The following SCHIP1 variants were observed in gnomAD, a reference collection of about 807,000 sequenced individuals.
The protein encoded by SCHIP1 is schwannomin-interacting protein 1.
A neutral mutation model predicts 29.7 loss-of-function variants in SCHIP1; 8 were observed. That is an observed-to-expected ratio of 0.27 (90% CI 0.16 to 0.49). The LOEUF (loss-of-function observed/expected upper bound fraction) is 0.49, where lower values mean the gene tolerates loss of function less well. Among genes scored for constraint, SCHIP1 ranks in the 20% least tolerant of loss-of-function variants. The pLI, the probability that SCHIP1 is intolerant of heterozygous loss-of-function variation, is 0.99. For missense variants in SCHIP1, 193 were observed against 294.6 expected (o/e 0.66, Z 2.52); for synonymous variants, 76 against 94.9 (o/e 0.80, Z 1.16).
the SCHIP1 span, among the ~76,000 whole-genome samples, chr3:159,668,663 C>T: frequency 6.6e-6 from 1 of 152,086 alleles, no homozygotes; most frequent in African/African-American, 2.4e-5. Flanking sequence ...ATGTTGAGTC[C>T]AGGTTCCCAT....
At chr3:159,437,544 C>G in the SCHIP1 span, among the ~76,000 whole-genome samples, 3 of 152,062 alleles carry the variant, frequency 2.0e-5, no homozygotes, top group Non-Finnish European at 4.4e-5. Context: ...ACTTCTTAGT[C>G]TGGCTCCTGG....
chr3:159,275,088 A>T, the SCHIP1 span: 1 of 971,858 alleles, frequency 1.0e-6, no homozygotes, highest in Non-Finnish European at 1.2e-6. Context: ...ATTTTAGAGG[A>T]TGTAACAATT....
chr3:159,286,005 T>G, the SCHIP1 span, among the ~76,000 whole-genome samples: 8 of 152,218 alleles, frequency 5.3e-5, no homozygotes, highest in Admixed American at 5.2e-4. Context: ...CATTGTTTTG[T>G]GATCTTTTAA....
the SCHIP1 span, among the ~76,000 whole-genome samples, chr3:159,362,165 C>T: frequency 7.2e-5 from 11 of 152,054 alleles, no homozygotes; most frequent in African/African-American, 2.7e-4. Context: ...ACAGTAAATG[C>T]AGGAAAAAAT....
chr3:159,738,977 T>C, the SCHIP1 span, among the ~76,000 whole-genome samples: 2,681 of 152,232 alleles, frequency 0.018, 94 homozygotes, highest in African/African-American at 0.062. Flanking sequence ...AGGAGCCAGA[T>C]TGAGTAGGCT....
the SCHIP1 span, chr3:159,401,184 T>G: frequency 3.1e-6 from 3 of 974,582 alleles, no homozygotes; most frequent in Non-Finnish European, 3.7e-6. Context: ...CCCAATAATA[T>G]TACACAAATA....
chr3:159,676,902 T>C, the SCHIP1 span, among the ~76,000 whole-genome samples: 6 of 152,058 alleles, frequency 3.9e-5, no homozygotes, highest in Admixed American at 3.9e-4. Flanking sequence ...CATTATGGAG[T>C]GAAATATATT....
chr3:159,671,757 AT>A, the SCHIP1 span, among the ~76,000 whole-genome samples: 1 of 152,018 alleles, frequency 6.6e-6, no homozygotes, highest in Non-Finnish European at 1.5e-5. Context: ...AGTTCATGAT[AT>A]TTTTTTCCTG....
chr3:159,353,923 ATTC>A, the SCHIP1 span, among the ~76,000 whole-genome samples: 2 of 152,190 alleles, frequency 1.3e-5, no homozygotes, highest in African/African-American at 4.8e-5. Context: ...GGATTCAATA[ATTC>A]TTTGTTAGCT....
the SCHIP1 span, among the ~76,000 whole-genome samples, chr3:159,745,299 C>T: frequency 3.1e-4 from 47 of 152,300 alleles, no homozygotes; most frequent in African/African-American, 1.1e-3. Flanking sequence ...CAGTTGCCTC[C>T]ATTTCTCAAG....
chr3:159,504,312 C>A, the SCHIP1 span, among the ~76,000 whole-genome samples: 1 of 152,182 alleles, frequency 6.6e-6, no homozygotes, highest in East Asian at 1.9e-4. Context: ...CAAAATTCTT[C>A]TCCCAGAATA....
At chr3:159,892,303 C>T (rs1717615663) in intron 6 of SCHIP1, 113 bp downstream of exon 7, 1 of 1,234,010 alleles carries the variant, frequency 8.1e-7, no homozygotes, top group African/African-American at 1.5e-5. Flanking sequence ...ATAAATAACT[C>T]ACCTAGCCTT....
chr3:159,494,523 C>G, the SCHIP1 span, among the ~76,000 whole-genome samples: 17 of 152,238 alleles, frequency 1.1e-4, no homozygotes, highest in African/African-American at 2.4e-4. Context: ...ATAAATTCCT[C>G]GACACATACA....
At chr3:159,785,682 CA>C in the SCHIP1 span, among the ~76,000 whole-genome samples, 1 of 149,268 alleles carries the variant, frequency 6.7e-6, no homozygotes, top group Non-Finnish European at 1.5e-5. Context: ...TAATTTGAAA[CA>C]AGTAATTCTT....
At chr3:159,525,844 A>G in the SCHIP1 span, among the ~76,000 whole-genome samples, 42 of 152,230 alleles carry the variant, frequency 2.8e-4, no homozygotes, top group Non-Finnish European at 3.7e-4. Context: ...CTCTCCTTAA[A>G]TGCTTATTTT....
chr3:159,432,333 TGTGTGTGAGA>T, the SCHIP1 span, among the ~76,000 whole-genome samples: 2,065 of 82,674 alleles, frequency 0.025, 18 homozygotes, highest in Middle Eastern at 0.055. Context: ...TGTGTGTGTG[TGTGTGTGAGA>T]GAGAGAGAGA....
At chr3:159,462,639 C>T in the SCHIP1 span, among the ~76,000 whole-genome samples, 1 of 152,124 alleles carries the variant, frequency 6.6e-6, no homozygotes, top group South Asian at 2.1e-4. Context: ...TGTTCAGAAA[C>T]CTTCAGTGGC....
chr3:159,619,498 C>T, the SCHIP1 span, among the ~76,000 whole-genome samples: 1 of 152,228 alleles, frequency 6.6e-6, no homozygotes, highest in African/African-American at 2.4e-5. Flanking sequence ...TGGGCTTAAA[C>T]GCTTTTTCCT....
chr3:159,630,441 G>A, the SCHIP1 span, among the ~76,000 whole-genome samples: 1 of 151,984 alleles, frequency 6.6e-6, no homozygotes, highest in Non-Finnish European at 1.5e-5. Context: ...ATCAACCAAC[G>A]AGTATATGTG....
Sources: allele counts gnomAD v4.1 joint callset (sites outside exome capture counted in the v4.1 genomes callset), GRCh38; gene constraint gnomAD v4.1.1; transcripts MANE v1.5; gene names NCBI Gene and HGNC (gene_info 2026-07-23, HGNC 2026-07-21).